KIAA0930: variants seen among roughly 807,000 people sequenced by gnomAD.
KIAA0930 encodes the protein KIAA0930, also known as uncharacterized protein KIAA0930.
In KIAA0930, 24 loss-of-function variants were observed where a neutral mutation model predicts 43.9. The observed-to-expected ratio is 0.55, with a 90% confidence interval of 0.40 to 0.77. KIAA0930 has a LOEUF of 0.77. Ranked by LOEUF, KIAA0930 falls within the 30% of genes least tolerant of loss-of-function variation. The pLI, the probability that KIAA0930 is intolerant of heterozygous loss-of-function variation, is 0.00. For missense variants in KIAA0930, 461 were observed against 574.2 expected, an observed-to-expected ratio of 0.80 and a Z score of 2.02; for synonymous variants, 259 against 216.4, an observed-to-expected ratio of 1.20 and a Z score of -1.73.
chr22:45,239,772 G>T (rs929491382), intron 1 of KIAA0930, among the ~76,000 whole-genome samples: 5 of 152,182 alleles, frequency 3.3e-5, no homozygotes, highest in Admixed American at 6.5e-5. Flanking sequence ...GCCTGGGGGT[G>T]GGGTGGGGGG....
chr22:45,205,938 T>A, intron 2 of KIAA0930, 26 bp from the exon 3 acceptor site: 1 of 1,610,286 alleles, frequency 6.2e-7, no homozygotes, highest in South Asian at 1.1e-5. Context: ...CAGAAGTGAG[T>A]GCCCAGGGCC....
chr22:45,219,579 ATTGTTT>A (rs1353559270), intron 1 of KIAA0930, among the ~76,000 whole-genome samples: 60 of 107,502 alleles, frequency 5.6e-4, no homozygotes, highest in African/African-American at 2.0e-3. Context: ...CCAAGAGGTG[ATTGTTT>A]TTTTTTTTTT....
At chr22:45,220,474 TATTA>T (rs2083760770) in intron 1 of KIAA0930, among the ~76,000 whole-genome samples, 1 of 152,184 alleles carries the variant, frequency 6.6e-6, no homozygotes, top group South Asian at 2.1e-4. Context: ...TTAGAAAATC[TATTA>T]ATATATTCAT....
chr22:45,218,333 ATTTTTT>A (rs752298111), intron 1 of KIAA0930, among the ~76,000 whole-genome samples: 19 of 51,704 alleles, frequency 3.7e-4, no homozygotes, highest in East Asian at 1.4e-3. Flanking sequence ...AATTTTTTTG[ATTTTTT>A]TTTTTTTTTT....
chr22:45,200,833 AG>A, intron 7 of KIAA0930: 1 of 465,972 alleles, frequency 2.1e-6, no homozygotes, highest in South Asian at 1.6e-5. Context: ...AGACAGAGAA[AG>A]AGAAGCACAG....
In KIAA0930 at chr22:45,203,064, G is replaced by A; in HGVS notation, c.778C>T (p.Arg260Ter). 2 of 1,613,776 alleles carry A rather than the reference G, an allele frequency of 1.2e-6. No homozygotes were observed. Among genetic ancestry groups the A allele is most frequent in the South Asian group, 1.1e-5 (1 of 91,036 alleles). The change falls in exon 7 of 10, where the codon CGA (arginine) becomes TGA (stop). Residue 260 changes from arginine to a stop codon, truncating the protein, a stop_gained. Coordinates refer to ENST00000336156, the MANE Select transcript of KIAA0930 (RefSeq NM_001009880.2). LOFTEE classifies it high-confidence loss of function. ...GGGGATGTGTCACCTGTAGACACTC[G>A]GCTGACCGCCATCTCGGCGTGGCCC... The part of the protein sequence containing the change: ...GKGHAEMAVS[R>*]VSTGDTSPCG...
rs1160190256 is a variant in KIAA0930 at position 45,219,882 on chromosome 22, G to A, written c.65-7775C>T. On this transcript the variant is annotated intron_variant, in intron 1 of 9. Transcript: ENST00000336156. ...TGGGATTACAGGTGTGAACCACTGC[G>A]CCCAGCCCAAGAAGTGATTTTGGGA... Among the ~76,000 whole-genome samples the A allele has an allele frequency of 2.6e-5, 4 of 152,004 alleles. No homozygotes were observed. The East Asian group carries it at 5.8e-4, about 22-fold the overall frequency.
At chr22:45,197,707 G>T in intron 9 of KIAA0930, 83 bp downstream of exon 9, 1 of 1,458,572 alleles carries the variant, frequency 6.9e-7, no homozygotes. Flanking sequence ...GGATGACTCC[G>T]GGTGGCTCAC....
intron 1 of KIAA0930, chr22:45,213,542 T>G: frequency 8.6e-7 from 1 of 1,160,222 alleles, no homozygotes; most frequent in Non-Finnish European, 1.1e-6. Flanking sequence ...TCCTGCCGCG[T>G]TTTTGCAACA....
At position 45,193,565 on chromosome 22, in the gene KIAA0930, C is replaced by T. The variant is rs1222863244; in HGVS notation, c.*3611G>A. The stretch of plus-strand genomic sequence containing the variant: ...GGCACCTCAGGAACATGCATTTATA[C>T]CCTTCCTGTGACTCCGTGTAGAGGG... On this transcript the variant is annotated 3_prime_UTR_variant, in exon 10 of 10. Transcript: ENST00000336156. The T allele has an allele frequency of 6.6e-6, 1 of 152,172 alleles. No individual in the cohort carries two copies. The highest frequency in any genetic ancestry group is 2.4e-5 in the African/African-American group (1 of 41,428). The allele number at this position is 152,172 out of a possible 1,614,324, so 9.4% of individuals were successfully genotyped here.
At chr22:45,212,177 A>G in intron 1 of KIAA0930, 70 bp from the exon 2 acceptor site, 1 of 1,613,124 alleles carries the variant, frequency 6.2e-7, no homozygotes, top group Non-Finnish European at 8.5e-7. Context: ...GCCTTGGCCA[A>G]GCTGCGCCCA....
At position 45,227,881 on chromosome 22, in the gene KIAA0930, G is replaced by C. The variant is rs866930572; in HGVS notation, c.64+12759C>G. Among the ~76,000 whole-genome samples, 10 of 152,320 alleles carry C rather than the reference G, an allele frequency of 6.6e-5. 1 individual carries two copies. The highest frequency in any genetic ancestry group is 3.4e-3 in the Middle Eastern group (1 of 294). On this transcript the variant is annotated intron_variant, in intron 1 of 9. Coordinates refer to ENST00000336156, the MANE Select transcript of KIAA0930 (RefSeq NM_001009880.2). ...TTTGCTGCAGGGAGAGGGCTCCCGG[G>C]AGCTGAGCAGCAGCTAACGAGCTCC...
Position 45,238,241 on chromosome 22 carries a change from T to C in KIAA0930, c.64+2399A>G, listed in dbSNP as rs369454216. On this transcript the variant is annotated intron_variant, in intron 1 of 9. Transcript: ENST00000336156. The stretch of plus-strand genomic sequence containing the variant: ...ACGCCCGGCCAAAAATGAGGCCTTC[T>C]AAGAAGCTAAGATTCCCATCTCCGT... Among the ~76,000 whole-genome samples the C allele has an allele frequency of 1.3e-3, 204 of 152,292 alleles. 6 individuals carry two copies. In the South Asian group the frequency reaches 0.038, roughly 29 times the overall value.
Position 45,196,302 on chromosome 22 carries a change from G to C in KIAA0930, c.*874C>G, listed in dbSNP as rs1445043516. The C allele has an allele frequency of 6.6e-6, 1 of 152,502 alleles. No individual in the cohort carries two copies. The highest frequency in any genetic ancestry group is 1.5e-5 in the Non-Finnish European group (1 of 68,110). The allele number at this position is 152,502 out of a possible 1,614,324, so 9.4% of individuals were successfully genotyped here. ...TCTAGGAAACCAGGGAAGATGAAAA[G>C]ACACCCCCGCCCCCAGAAGACGGGG... On this transcript the variant is annotated 3_prime_UTR_variant, in exon 10 of 10. Coordinates refer to ENST00000336156, the MANE Select transcript of KIAA0930 (RefSeq NM_001009880.2). The surrounding 1 kb of genome is among the most constrained non-coding windows in gnomAD (Gnocchi z 4.1).
chr22:45,239,013 T>C (rs1380322555), intron 1 of KIAA0930, among the ~76,000 whole-genome samples: 2 of 152,184 alleles, frequency 1.3e-5, no homozygotes, highest in Non-Finnish European at 2.9e-5. Context: ...ACATAGTAAG[T>C]GCTCAGTAAA....
intron 1 of KIAA0930, among the ~76,000 whole-genome samples, chr22:45,218,333 A>ATTTTTTT (rs752298111): frequency 6.2e-4 from 32 of 51,706 alleles, no homozygotes; most frequent in African/African-American, 1.7e-3. Flanking sequence ...AATTTTTTTG[A>ATTTTTTT]TTTTTTTTTT....
intron 2 of KIAA0930, among the ~76,000 whole-genome samples, chr22:45,206,795 T>C (rs2083642199): frequency 6.6e-6 from 1 of 151,426 alleles, no homozygotes; most frequent in South Asian, 2.1e-4. Flanking sequence ...GCCTCCTGGA[T>C]TCTAATGATT....
chr22:45,205,611 C>T lies in KIAA0930; in HGVS notation c.414+19G>A. On this transcript the variant is annotated intron_variant, in intron 4 of 9. Coordinates refer to ENST00000336156, the MANE Select transcript of KIAA0930 (RefSeq NM_001009880.2). ...GAACTGGCAGTTAGGAGGCTGGGGG[C>T]TCTCGTGCCAGGGCTCACCTGAGAT... 6.2e-7 allele frequency: 1 copy of T among 1,612,294 alleles called. No homozygotes were observed. The highest frequency in any genetic ancestry group is 8.5e-7 in the Non-Finnish European group (1 of 1,178,644).
chr22:45,201,882 G>A (rs2083592316), intron 7 of KIAA0930, among the ~76,000 whole-genome samples: 1 of 152,196 alleles, frequency 6.6e-6, no homozygotes, highest in African/African-American at 2.4e-5. Context: ...CTGCGGTAAT[G>A]CATCGTTTAC....
Sources: gnomAD v4.1 joint callset for allele counts (sites outside exome capture counted in the v4.1 genomes callset) on GRCh38, gnomAD v4.1.1 for gene constraint, Gnocchi (gnomAD v3.1) non-coding constraint, MANE v1.5 for transcripts, NCBI Gene and HGNC (gene_info 2026-07-23, HGNC 2026-07-21) for gene names.